Variants in ATF7IP observed in about 807,000 individuals in gnomAD.
ATF7IP encodes the protein activating transcription factor 7-interacting protein 1.
ATF7IP carries 23 observed loss-of-function variants against 106.4 expected under a neutral mutation model. That is an observed-to-expected ratio of 0.22 (90% CI 0.16 to 0.31). ATF7IP has a LOEUF of 0.31. Ranked by LOEUF, ATF7IP falls within the 10% of genes least tolerant of loss-of-function variation. The probability of loss-of-function intolerance (pLI) is 1.00; values close to 1 mark genes in which losing one functional copy is unlikely to be tolerated. For missense variants in ATF7IP, 1,334 were observed against 1,524.3 expected (o/e 0.88, Z 2.08); for synonymous variants, 542 against 539.0 (o/e 1.01, Z -0.08).
At chr12:14,398,539 T>C (rs1371975899) in intron 1 of ATF7IP, among the ~76,000 whole-genome samples, 1 of 151,694 alleles carries the variant, frequency 6.6e-6, no homozygotes, top group Non-Finnish European at 1.5e-5. Context: ...TCAATATTGA[T>C]GTACATTGGC....
At position 14,438,197 on chromosome 12, in the gene ATF7IP, C is replaced by A; in HGVS notation, c.1859C>A (p.Ala620Glu). 5.0e-6 allele frequency: 8 copies of A among 1,613,146 alleles called. No homozygotes were observed. Among genetic ancestry groups the A allele is most frequent in the Non-Finnish European group, 6.8e-6 (8 of 1,179,892 alleles). ...LQCAVFDKTLAELKTRVEKIE... is the reference protein window; with the variant it reads ...LQCAVFDKTLEELKTRVEKIE... ...TGTGCTGTATTTGATAAGACTTTGG[C>A]AGAATTGAAAACACGAGTGGAAAAG... is the stretch of plus-strand genomic sequence containing the variant. The change falls in exon 5 of 15, where the codon GCA becomes GAA. Residue 620 changes from alanine (A) to glutamate (E), a missense_variant. Coordinates refer to ENST00000261168, the MANE Select transcript of ATF7IP (RefSeq NM_018179.5).
At chr12:14,380,632 A>AT (rs1205725970) in intron 1 of ATF7IP, among the ~76,000 whole-genome samples, 8 of 151,812 alleles carry the variant, frequency 5.3e-5, no homozygotes, top group South Asian at 2.1e-4. Flanking sequence ...TTTTTATTTT[A>AT]TTTTTTTTAA....
intron 1 of ATF7IP, among the ~76,000 whole-genome samples, chr12:14,394,069 A>C (rs1326293561): frequency 6.6e-6 from 1 of 152,228 alleles, no homozygotes; most frequent in Non-Finnish European, 1.5e-5. Flanking sequence ...AATGTGTTGA[A>C]TTATTTAACC....
chr12:14,486,931 G>A (rs1021283617), intron 13 of ATF7IP, among the ~76,000 whole-genome samples: 4 of 152,046 alleles, frequency 2.6e-5, no homozygotes, highest in African/African-American at 9.7e-5. Flanking sequence ...ATTGGTCAAG[G>A]GTATATCTTC....
At chr12:14,494,356 T>C (rs1370541867) in intron 13 of ATF7IP, among the ~76,000 whole-genome samples, 1 of 134,202 alleles carries the variant, frequency 7.5e-6, no homozygotes, top group Non-Finnish European at 1.6e-5. Flanking sequence ...TATGTATATA[T>C]ACACATATGT....
chr12:14,477,851 A>G (rs989436532), intron 11 of ATF7IP, among the ~76,000 whole-genome samples: 1 of 152,212 alleles, frequency 6.6e-6, no homozygotes, highest in Non-Finnish European at 1.5e-5. Flanking sequence ...GAGATTAGTC[A>G]TTCTTTGACT....
intron 10 of ATF7IP, 133 bp from the exon 11 acceptor site, chr12:14,475,757 G>T: frequency 1.7e-6 from 1 of 605,618 alleles, no homozygotes. Flanking sequence ...TCTTTATTCA[G>T]GTACAGCCAT....
intron 1 of ATF7IP, among the ~76,000 whole-genome samples, chr12:14,376,300 C>G (rs891377226): frequency 2.0e-5 from 3 of 152,198 alleles, no homozygotes; most frequent in African/African-American, 4.8e-5. Context: ...GACAAAGTAT[C>G]ATTTTTCATC....
chr12:14,480,622 C>T (rs547216520), intron 12 of ATF7IP, among the ~76,000 whole-genome samples: 11 of 152,220 alleles, frequency 7.2e-5, no homozygotes, highest in Admixed American at 2.0e-4. Flanking sequence ...GGTAGAAGGC[C>T]GAGAGGGCTT....
In ATF7IP at chr12:14,498,293, A is replaced by G. The variant is rs975607687; in HGVS notation, c.*220A>G. ...TTAGGCTTTGGGGTTTGGAAATGTA[A>G]ATGTGTACCTTGCTTTAGTTTTGAG... On this transcript the variant is annotated 3_prime_UTR_variant, in exon 15 of 15. Transcript: ENST00000261168. The G allele has an allele frequency of 4.2e-6, 2 of 474,120 alleles. No homozygotes were observed. The highest frequency in any genetic ancestry group is 3.9e-5 in the African/African-American group (2 of 51,014). 29.4% of individuals were successfully genotyped at this position (474,120 alleles called of 1,614,324 possible). A position where few individuals can be genotyped will look rare whatever the true frequency, so the allele number is the denominator to read the frequency against.
chr12:14,489,533 C>T (rs1001939041), intron 13 of ATF7IP, among the ~76,000 whole-genome samples: 1 of 152,122 alleles, frequency 6.6e-6, no homozygotes, highest in Admixed American at 6.5e-5. Context: ...ACTTCCACTT[C>T]CACCCTCTGA....
intron 2 of ATF7IP, among the ~76,000 whole-genome samples, chr12:14,428,391 C>T (rs183668784): frequency 6.6e-6 from 1 of 152,250 alleles, no homozygotes; most frequent in African/African-American, 2.4e-5. Context: ...AATTTCTTGG[C>T]TCATAACTAA....
At chr12:14,370,957 C>A (rs77105931) in intron 1 of ATF7IP, among the ~76,000 whole-genome samples, 7,252 of 151,102 alleles carry the variant, frequency 0.048, 188 homozygotes, top group Non-Finnish European at 0.059. Context: ...CTTTTCTGGC[C>A]AGGGTGAGGC....
intron 1 of ATF7IP, among the ~76,000 whole-genome samples, chr12:14,373,421 A>G: frequency 6.6e-6 from 1 of 152,192 alleles, no homozygotes; most frequent in East Asian, 1.9e-4. Context: ...TAGTTTTACT[A>G]GCTAGAGGCA....
rs573116946 is a variant in ATF7IP, at chr12:14,446,217, G to A, written c.1930-771G>A. Among the ~76,000 whole-genome samples the A allele has an allele frequency of 7.9e-5, 12 of 151,640 alleles. No homozygotes were observed. The South Asian group carries it at 2.5e-3, about 32-fold the overall frequency. ...GGCTGGAGTGCAGTGGCGCGATCTTGGCTCACTGCAACCTCTGCCTCCCGG... is the reference window on the plus strand; with the variant it reads ...GGCTGGAGTGCAGTGGCGCGATCTTAGCTCACTGCAACCTCTGCCTCCCGG... On this transcript the variant is annotated intron_variant, in intron 5 of 14. Transcript: ENST00000261168.
intron 4 of ATF7IP, 29 bp from the exon 5 acceptor site, chr12:14,438,101 G>A: frequency 6.2e-7 from 1 of 1,600,242 alleles, no homozygotes; most frequent in Non-Finnish European, 8.5e-7. Context: ...TGCCTTCTTG[G>A]CATAATGAAG....
intron 13 of ATF7IP, among the ~76,000 whole-genome samples, chr12:14,492,967 A>G (rs1944878555): frequency 6.6e-6 from 1 of 152,202 alleles, no homozygotes; most frequent in Admixed American, 6.5e-5. Context: ...TGGGATGACT[A>G]GCTCTAAAGT....
At position 14,447,763 on chromosome 12, in the gene ATF7IP, C is replaced by G. The variant is rs146108681; in HGVS notation, c.1995+710C>G. Among the ~76,000 whole-genome samples the G allele has an allele frequency of 5.1e-3, 782 of 152,246 alleles. 2 individuals carry two copies. Among genetic ancestry groups the G allele is most frequent in the Non-Finnish European group, 8.9e-3 (607 of 68,018 alleles). ...CTGTAGTATTCCTGTTCTCCCCTTC[C>G]TTTCTTCCCCATGTAGTCAGTCCTC... On this transcript the variant is annotated intron_variant, in intron 6 of 14. Transcript: ENST00000261168.
At chr12:14,369,128 T>C (rs1938427550) in intron 1 of ATF7IP, 1 of 151,552 alleles carries the variant, frequency 6.6e-6, no homozygotes, top group Admixed American at 6.6e-5. Flanking sequence ...CTTTTTTTTT[T>C]TTTTTTAATA....
Sources: allele counts gnomAD v4.1 joint callset (sites outside exome capture counted in the v4.1 genomes callset), GRCh38; gene constraint gnomAD v4.1.1; transcripts MANE v1.5; gene names NCBI Gene and HGNC (gene_info 2026-07-23, HGNC 2026-07-21).